The following DSCAM variants were observed in gnomAD, a reference collection of about 807,000 sequenced individuals.
DSCAM encodes the protein cell adhesion molecule DSCAM.
In DSCAM, 47 loss-of-function variants were observed where a neutral mutation model predicts 217.7. That is an observed-to-expected ratio of 0.22 (90% confidence interval 0.17 to 0.28). The LOEUF (loss-of-function observed/expected upper bound fraction) is 0.28, where lower values mean the gene tolerates loss of function less well. Ranked by LOEUF, DSCAM falls within the 10% of genes least tolerant of loss-of-function variation. DSCAM has a pLI of 1.00. For missense variants in DSCAM, 2,080 were observed against 2,618.3 expected, an observed-to-expected ratio of 0.79 and a Z score of 4.49; for synonymous variants, 1,056 against 1,015.3, an observed-to-expected ratio of 1.04 and a Z score of -0.76.
intron 28 of DSCAM, among the ~76,000 whole-genome samples, chr21:40,058,628 A>G (rs1374628370): frequency 6.6e-6 from 1 of 152,194 alleles, no homozygotes; most frequent in East Asian, 1.9e-4. Flanking sequence ...TTTTGAGGCA[A>G]TAATATCCTT....
chr21:40,214,260 C>G (rs1055452779), intron 11 of DSCAM, among the ~76,000 whole-genome samples: 3 of 152,152 alleles, frequency 2.0e-5, no homozygotes, highest in Non-Finnish European at 4.4e-5. Flanking sequence ...CACTCATGGA[C>G]GTGGGAGCCT....
chr21:40,227,845 GTT>G, intron 11 of DSCAM, among the ~76,000 whole-genome samples: 1 of 152,254 alleles, frequency 6.6e-6, no homozygotes, highest in Admixed American at 6.5e-5. Context: ...TTAATGCATT[GTT>G]AACTAAGTGC....
intron 1 of DSCAM, among the ~76,000 whole-genome samples, chr21:40,712,208 A>G (rs1266429449): frequency 5.3e-5 from 8 of 152,208 alleles, no homozygotes; most frequent in Non-Finnish European, 1.5e-5. Flanking sequence ...TTGGGAACCC[A>G]TTGAATCTGG....
At chr21:40,360,455 C>G (rs1479769638) in intron 4 of DSCAM, among the ~76,000 whole-genome samples, 1 of 151,778 alleles carries the variant, frequency 6.6e-6, no homozygotes, top group Admixed American at 6.6e-5. Context: ...GCTTTTTAAC[C>G]TAAACTCTCT....
intron 3 of DSCAM, among the ~76,000 whole-genome samples, chr21:40,532,482 G>A (rs2076454935): frequency 6.6e-6 from 1 of 152,184 alleles, no homozygotes; most frequent in African/African-American, 2.4e-5. Flanking sequence ...CAAGCATGGG[G>A]TATGTGCAGC....
intron 11 of DSCAM, among the ~76,000 whole-genome samples, chr21:40,214,571 G>A (rs1227133483): frequency 6.6e-6 from 1 of 152,030 alleles, no homozygotes; most frequent in African/African-American, 2.4e-5. Context: ...AAGAAGCTGT[G>A]AGTAGCAGCC....
At chr21:40,567,293 G>A (rs1237625265) in intron 3 of DSCAM, among the ~76,000 whole-genome samples, 1 of 152,164 alleles carries the variant, frequency 6.6e-6, no homozygotes, top group African/African-American at 2.4e-5. Context: ...TAATTGAACG[G>A]CCTTTGTGCA....
At chr21:40,627,999 T>G (rs1377539232) in intron 3 of DSCAM, among the ~76,000 whole-genome samples, 1 of 152,206 alleles carries the variant, frequency 6.6e-6, no homozygotes, top group South Asian at 2.1e-4. Context: ...CAAGAATGAT[T>G]CAGATGGTAC....
At chr21:40,128,857 G>A (rs145145129) in intron 19 of DSCAM, among the ~76,000 whole-genome samples, 14 of 152,276 alleles carry the variant, frequency 9.2e-5, no homozygotes, top group African/African-American at 3.1e-4. Context: ...TAGAAACGAT[G>A]AGATAAGACA....
At chr21:40,128,987 T>C (rs2090127018) in intron 19 of DSCAM, among the ~76,000 whole-genome samples, 1 of 152,266 alleles carries the variant, frequency 6.6e-6, no homozygotes, top group Admixed American at 6.5e-5. Flanking sequence ...ATCATTTTTC[T>C]GAAACAGTAT....
intron 3 of DSCAM, among the ~76,000 whole-genome samples, chr21:40,397,765 C>T (rs2075194373): frequency 6.6e-6 from 1 of 151,942 alleles, no homozygotes; most frequent in Non-Finnish European, 1.5e-5. Flanking sequence ...CTGCTACTAT[C>T]ACTAATACTA....
intron 3 of DSCAM, among the ~76,000 whole-genome samples, chr21:40,662,454 G>A (rs753260663): frequency 6.6e-6 from 1 of 152,166 alleles, no homozygotes; most frequent in Non-Finnish European, 1.5e-5. Context: ...GTGACGCAAA[G>A]TCCAAATCTT....
At chr21:40,731,470 A>C in intron 1 of DSCAM, among the ~76,000 whole-genome samples, 1 of 152,158 alleles carries the variant, frequency 6.6e-6, no homozygotes, top group East Asian at 1.9e-4. Flanking sequence ...ACAAAATACC[A>C]TAAGCCAGGT....
chr21:40,650,028 G>A (rs1472019215), intron 3 of DSCAM, among the ~76,000 whole-genome samples: 3 of 152,128 alleles, frequency 2.0e-5, no homozygotes, highest in East Asian at 1.9e-4. Context: ...GGCTGTGACC[G>A]ACAACAAAGC....
At chr21:40,100,678 A>G (rs998707053) in intron 20 of DSCAM, among the ~76,000 whole-genome samples, 4 of 149,066 alleles carry the variant, frequency 2.7e-5, no homozygotes, top group African/African-American at 9.9e-5. Context: ...AAGCTTCGCT[A>G]TCAAGGACAA....
rs201425875 is a variant in DSCAM at position 40,133,792 on chromosome 21, G to A, written c.3562+62C>T. 7.0e-4 allele frequency: 1,063 copies of A among 1,526,124 alleles called. 1 individual carries two copies. The highest frequency in any genetic ancestry group is 1.4e-3 in the Admixed American group (69 of 48,552). The allele number at this position is 1,526,124 out of a possible 1,614,324, so 94.5% of individuals were successfully genotyped here. A position where few individuals can be genotyped will look rare whatever the true frequency, so the allele number is the denominator to read the frequency against. Reference sequence around the variant, plus strand: ...GATGAACTGCAGGGTAAAGGCAAGTGAGCTCTCTGTGACCCAGCCCTTCCA... The same window carrying A: ...GATGAACTGCAGGGTAAAGGCAAGTAAGCTCTCTGTGACCCAGCCCTTCCA... On this transcript the variant is annotated intron_variant, in intron 19 of 32. Coordinates refer to ENST00000400454, the MANE Select transcript of DSCAM (RefSeq NM_001389.5).
At chr21:40,281,127 A>G (rs1337784991) in intron 10 of DSCAM, among the ~76,000 whole-genome samples, 2 of 152,320 alleles carry the variant, frequency 1.3e-5, no homozygotes, top group African/African-American at 2.4e-5. Flanking sequence ...TTAAATGTAT[A>G]CTATCTTAAG....
At chr21:40,346,581 G>A (rs2074560454) in intron 6 of DSCAM, among the ~76,000 whole-genome samples, 1 of 152,096 alleles carries the variant, frequency 6.6e-6, no homozygotes, top group Non-Finnish European at 1.5e-5. Flanking sequence ...ATAGAAGCTA[G>A]TTCAATCAGG....
At chr21:40,653,651 C>CA (rs774121927) in intron 3 of DSCAM, among the ~76,000 whole-genome samples, 7 of 152,166 alleles carry the variant, frequency 4.6e-5, no homozygotes, top group Non-Finnish European at 5.9e-5. Flanking sequence ...CACCCAGACA[C>CA]AGAGTGGAGA....
Sources: allele counts gnomAD v4.1 joint callset (sites outside exome capture counted in the v4.1 genomes callset), GRCh38; gene constraint gnomAD v4.1.1; transcripts MANE v1.5; gene names NCBI Gene and HGNC (gene_info 2026-07-23, HGNC 2026-07-21).